The following ZNF595 variants were observed in gnomAD, a reference collection of about 807,000 sequenced individuals.
ZNF595 encodes the protein zinc finger protein 595.
ZNF595 carries 9 observed loss-of-function variants against 19.4 expected under a neutral mutation model. The ratio of observed to expected loss-of-function variants is 0.46; its 90% CI spans 0.28 to 0.81. The LOEUF (loss-of-function observed/expected upper bound fraction) is 0.81, where lower values mean the gene tolerates loss of function less well. ZNF595 is among the 30% of genes least tolerant of loss of function. ZNF595 has a pLI of 0.11. For missense variants in ZNF595, 729 were observed against 736.0 expected (o/e 0.99, Z 0.11); for synonymous variants, 255 against 255.9 (o/e 1.00, Z 0.03).
chr4:81,210 T>C (rs1286785653), intron 3 of ZNF595, among the ~76,000 whole-genome samples: 3 of 152,194 alleles, frequency 2.0e-5, no homozygotes, highest in African/African-American at 7.2e-5. Context: ...ATGTTTTCAT[T>C]TTACATTATA....
intron 3 of ZNF595, among the ~76,000 whole-genome samples, chr4:75,329 G>A (rs1169901357): frequency 2.0e-5 from 3 of 152,186 alleles, no homozygotes; most frequent in Non-Finnish European, 2.9e-5. Context: ...ATTCCCATCT[G>A]ATGAGAATCA....
At chr4:63,215 A>G (rs1328564892) in intron 3 of ZNF595, among the ~76,000 whole-genome samples, 14 of 144,076 alleles carry the variant, frequency 9.7e-5, no homozygotes, top group Non-Finnish European at 1.5e-4. Flanking sequence ...GATTACCATG[A>G]CCTTTAAGTA....
At position 87,514 on chromosome 4, in the gene ZNF595, G is replaced by C; in HGVS notation, c.*63G>C. 7.3e-7 allele frequency: 1 copy of C among 1,368,610 alleles called. No individual in the cohort carries two copies. Among genetic ancestry groups the C allele is most frequent in the Non-Finnish European group, 9.6e-7 (1 of 1,036,902 alleles). 84.8% of individuals were successfully genotyped at this position (1,368,610 alleles called of 1,614,324 possible). A position where few individuals can be genotyped will look rare whatever the true frequency, so the allele number is the denominator to read the frequency against. ...CACAGCAAATAAATTGGAGAATATTGCTCCCATATAAACTTGTATTATTTT... is the reference window on the plus strand; with the variant it reads ...CACAGCAAATAAATTGGAGAATATTCCTCCCATATAAACTTGTATTATTTT... On this transcript the variant is annotated 3_prime_UTR_variant, in exon 4 of 4. Transcript: ENST00000610261.
chr4:82,152 G>A (rs1369266585), intron 3 of ZNF595, among the ~76,000 whole-genome samples: 1 of 151,864 alleles, frequency 6.6e-6, no homozygotes, highest in Non-Finnish European at 1.5e-5. Context: ...TTCTCTTTTT[G>A]AAGATTGTGG....
At chr4:83,640 AAAAAAGAAAG>A (rs1714015979) in intron 3 of ZNF595, among the ~76,000 whole-genome samples, 3 of 141,754 alleles carry the variant, frequency 2.1e-5, no homozygotes, top group African/African-American at 8.3e-5. Context: ...AAAAAAAAAA[AAAAAAGAAAG>A]AAAGAAAGAA....
In ZNF595 at chr4:87,270, A is replaced by G; in HGVS notation, c.1766A>G (p.Glu589Gly). 1 of 1,612,208 alleles carries G rather than the reference A, an allele frequency of 6.2e-7. No homozygotes were observed. Among genetic ancestry groups the G allele is most frequent in the Non-Finnish European group, 8.5e-7 (1 of 1,179,198 alleles). ...LTKHKRIHTGEKPFTCEECGK... is the reference protein window; with the variant it reads ...LTKHKRIHTGGKPFTCEECGK... ...AAACATAAGAGAATTCATACTGGAG[A>G]GAAACCCTTCACATGTGAAGAATGT... The change falls in exon 4 of 4, where the codon GAG becomes GGG. Residue 589 changes from glutamate to glycine, a missense_variant. Coordinates refer to ENST00000610261, the MANE Select transcript of ZNF595 (RefSeq NM_182524.4).
chr4:83,799 CTTGA>C (rs782703478), intron 3 of ZNF595, among the ~76,000 whole-genome samples: 62 of 151,752 alleles, frequency 4.1e-4, no homozygotes, highest in Non-Finnish European at 8.1e-4. Context: ...AATTGTTTTA[CTTGA>C]TTATTGTATT....
rs1233175685 is a variant in ZNF595, at chr4:86,979, C to T, written c.1475C>T (p.Ser492Phe). 2 of 1,613,704 alleles carry T rather than the reference C, an allele frequency of 1.2e-6. No individual in the cohort carries two copies. Among genetic ancestry groups the T allele is most frequent in the Non-Finnish European group, 1.7e-6 (2 of 1,179,948 alleles). ...CEECGKAFIW[S>F]ASLNEHKNIH... Reference sequence around the variant, plus strand: ...GAATGTGGCAAAGCTTTCATATGGTCCGCAAGCCTGAATGAACATAAGAAT... The same window carrying T: ...GAATGTGGCAAAGCTTTCATATGGTTCGCAAGCCTGAATGAACATAAGAAT... Residue 492 changes from serine (S) to phenylalanine (F), a missense_variant, in exon 4 of 4, where the codon TCC becomes TTC. Ser to Phe is a radical substitution (Grantham distance 155). Transcript: ENST00000610261.
At chr4:83,401 G>A (rs897817340) in intron 3 of ZNF595, among the ~76,000 whole-genome samples, 24 of 152,024 alleles carry the variant, frequency 1.6e-4, no homozygotes, top group East Asian at 3.9e-4. Flanking sequence ...GGGTGGTCAC[G>A]AGGTCAGGAG....
intron 3 of ZNF595, among the ~76,000 whole-genome samples, chr4:71,663 T>C (rs1327968942): frequency 4.6e-5 from 7 of 152,204 alleles, no homozygotes; most frequent in African/African-American, 1.7e-4. Context: ...AGTGCCCTGA[T>C]GCTAAAGCAC....
intron 3 of ZNF595, among the ~76,000 whole-genome samples, chr4:79,298 T>C (rs1713806012): frequency 6.6e-6 from 1 of 152,224 alleles, no homozygotes; most frequent in South Asian, 2.1e-4. Context: ...TGAAATAATA[T>C]GTAATTGTAT....
intron 3 of ZNF595, among the ~76,000 whole-genome samples, chr4:75,545 G>A (rs1553798577): frequency 1.3e-5 from 2 of 152,188 alleles, no homozygotes; most frequent in Non-Finnish European, 2.9e-5. Context: ...ATTTTAACAT[G>A]AATTTTGGAG....
intron 3 of ZNF595, among the ~76,000 whole-genome samples, chr4:61,931 T>A (rs1712882777): frequency 6.6e-6 from 1 of 150,498 alleles, no homozygotes; most frequent in South Asian, 2.1e-4. Context: ...TACAATGTAA[T>A]GATTTGATAT....
At position 88,069 on chromosome 4, in the gene ZNF595, T is replaced by A. The variant is rs1264320033; in HGVS notation, c.*618T>A. 1 of 152,172 alleles carries A rather than the reference T, an allele frequency of 6.6e-6. No individual in the cohort carries two copies. The highest frequency in any genetic ancestry group is 2.4e-5 in the African/African-American group (1 of 41,448). The allele number at this position is 152,172 out of a possible 1,614,324, so 9.4% of individuals were successfully genotyped here. A position where few individuals can be genotyped will look rare whatever the true frequency, so the allele number is the denominator to read the frequency against. On this transcript the variant is annotated 3_prime_UTR_variant, in exon 4 of 4. Transcript: ENST00000610261. Reference sequence around the variant, plus strand: ...ATTATTTTTTTACTACAGGTTATTTTATGATTATAATAAGTATATGAGTAT... The same window carrying A: ...ATTATTTTTTTACTACAGGTTATTTAATGATTATAATAAGTATATGAGTAT...
At chr4:74,949 ATG>A (rs1220428307) in intron 3 of ZNF595, among the ~76,000 whole-genome samples, 1 of 152,142 alleles carries the variant, frequency 6.6e-6, no homozygotes, top group East Asian at 1.9e-4. Flanking sequence ...TATATTGGGT[ATG>A]TATATATTTT....
Position 86,915 on chromosome 4 carries a change from A to G in ZNF595, c.1411A>G (p.Lys471Glu), listed in dbSNP as rs1553801856. 6.2e-7 allele frequency: 1 copy of G among 1,611,022 alleles called. No homozygotes were observed. The highest frequency in any genetic ancestry group is 8.5e-7 in the Non-Finnish European group (1 of 1,178,162). ...FTRSTTLNEH[K>E]KIHTGEKPYK... ...ACGGTCCACAACACTGAACGAACAT[A>G]AGAAAATTCATACTGGCGAGAAACC... The change falls in exon 4 of 4, where the codon AAG (lysine) becomes GAG (glutamate). Residue 471 changes from lysine (K) to glutamate (E), a missense_variant. Physicochemically the swap from Lys to Glu is moderately conservative, Grantham distance 56. Coordinates refer to ENST00000610261, the MANE Select transcript of ZNF595 (RefSeq NM_182524.4).
At chr4:80,572 C>T (rs1480885293) in intron 3 of ZNF595, among the ~76,000 whole-genome samples, 6 of 151,864 alleles carry the variant, frequency 4.0e-5, no homozygotes, top group African/African-American at 1.2e-4. Flanking sequence ...AGAGAGTCAG[C>T]GAAGGGAGAT....
intron 3 of ZNF595, among the ~76,000 whole-genome samples, chr4:69,614 T>G (rs782304653): frequency 1.3e-5 from 2 of 152,232 alleles, no homozygotes; most frequent in Non-Finnish European, 2.9e-5. Flanking sequence ...TAGAGCTGTT[T>G]ATGTGCCTTA....
At chr4:78,359 A>G (rs1713762318) in intron 3 of ZNF595, among the ~76,000 whole-genome samples, 1 of 152,148 alleles carries the variant, frequency 6.6e-6, no homozygotes, top group African/African-American at 2.4e-5. Context: ...TGTACCTTTT[A>G]TGACCCTGTG....
Sources: allele counts gnomAD v4.1 joint callset (sites outside exome capture counted in the v4.1 genomes callset), GRCh38; gene constraint gnomAD v4.1.1; transcripts MANE v1.5; gene names NCBI Gene and HGNC (gene_info 2026-07-23, HGNC 2026-07-21).